ARHGAP15: variants seen among roughly 807,000 people sequenced by gnomAD.
The protein encoded by ARHGAP15 is rho GTPase-activating protein 15.
In ARHGAP15, 51 loss-of-function variants were observed where a neutral mutation model predicts 63.7. That is an observed-to-expected ratio of 0.80 (90% confidence interval 0.64 to 1.01). The LOEUF (loss-of-function observed/expected upper bound fraction) is 1.01, where lower values mean the gene tolerates loss of function less well. Ranked by LOEUF, ARHGAP15 falls within the 50% of genes least tolerant of loss-of-function variation. ARHGAP15 has a pLI of 0.00. For synonymous variants in ARHGAP15, 191 were observed against 193.8 expected (o/e 0.99, Z 0.12); for missense variants, 560 against 564.6 (o/e 0.99, Z 0.08).
intron 8 of ARHGAP15, among the ~76,000 whole-genome samples, chr2:143,458,659 C>T (rs1574477248): frequency 6.6e-6 from 1 of 152,276 alleles, no homozygotes; most frequent in African/African-American, 2.4e-5. Flanking sequence ...AGACATCATT[C>T]GGATGAATAG....
At chr2:143,203,782 G>A (rs1466763807) in intron 3 of ARHGAP15, among the ~76,000 whole-genome samples, 1 of 151,770 alleles carries the variant, frequency 6.6e-6, no homozygotes, top group African/African-American at 2.4e-5. Context: ...TCTGTCTGTA[G>A]GAATTTCCTA....
At chr2:143,202,792 CA>C (rs1453600424) in intron 3 of ARHGAP15, among the ~76,000 whole-genome samples, 48 of 148,766 alleles carry the variant, frequency 3.2e-4, no homozygotes, top group Non-Finnish European at 6.7e-4. Flanking sequence ...TTGTTGTCTT[CA>C]AAAAAAAATT....
chr2:143,147,135 C>T (rs1328889976), intron 1 of ARHGAP15, among the ~76,000 whole-genome samples: 3 of 151,970 alleles, frequency 2.0e-5, no homozygotes, highest in Non-Finnish European at 4.4e-5. Context: ...CTGAGACAAT[C>T]GCAGGTTAAA....
At chr2:143,302,868 A>T (rs1553461157) in intron 6 of ARHGAP15, among the ~76,000 whole-genome samples, 1 of 152,074 alleles carries the variant, frequency 6.6e-6, no homozygotes, top group Non-Finnish European at 1.5e-5. Context: ...AAAAGGGCTT[A>T]TATCTTTGAA....
At chr2:143,524,029 TC>T (rs1368925241) in intron 10 of ARHGAP15, among the ~76,000 whole-genome samples, 1 of 152,172 alleles carries the variant, frequency 6.6e-6, no homozygotes, top group African/African-American at 2.4e-5. Flanking sequence ...CTGTCTTTTT[TC>T]TGGAACACGA....
chr2:143,149,076 A>G (rs912406313), intron 1 of ARHGAP15, among the ~76,000 whole-genome samples: 4 of 151,942 alleles, frequency 2.6e-5, no homozygotes, highest in Non-Finnish European at 5.9e-5. Context: ...TCAACATAAG[A>G]TCTTTCCAGG....
intron 6 of ARHGAP15, among the ~76,000 whole-genome samples, chr2:143,372,422 T>G (rs2104917686): frequency 6.6e-6 from 1 of 150,476 alleles, no homozygotes; most frequent in Middle Eastern, 3.4e-3. Flanking sequence ...CATAGCTTCT[T>G]AATCTACTCA....
At chr2:143,596,360 T>G (rs912080682) in intron 11 of ARHGAP15, among the ~76,000 whole-genome samples, 1 of 152,094 alleles carries the variant, frequency 6.6e-6, no homozygotes, top group African/African-American at 2.4e-5. Flanking sequence ...ATGCTAAAAC[T>G]TTCAATGCAT....
At chr2:143,332,596 C>T (rs1159269187) in intron 6 of ARHGAP15, among the ~76,000 whole-genome samples, 1 of 152,074 alleles carries the variant, frequency 6.6e-6, no homozygotes, top group African/African-American at 2.4e-5. Context: ...ATTCAAATAT[C>T]AAAGTGCTTC....
intron 8 of ARHGAP15, among the ~76,000 whole-genome samples, chr2:143,453,155 C>A (rs964908976): frequency 6.6e-6 from 1 of 151,886 alleles, no homozygotes; most frequent in African/African-American, 2.4e-5. Flanking sequence ...TATTAAGTGA[C>A]TGAGGCACTG....
chr2:143,309,103 A>G (rs1170954783), intron 6 of ARHGAP15, among the ~76,000 whole-genome samples: 1 of 152,064 alleles, frequency 6.6e-6, no homozygotes, highest in African/African-American at 2.4e-5. Context: ...TAGAAAAATT[A>G]GAGCGTAATA....
chr2:143,153,840 TTCTTCCTCCTCCTCCTCCTCCTCCTCC>T (rs1689956476), intron 1 of ARHGAP15, among the ~76,000 whole-genome samples: 2 of 78,398 alleles, frequency 2.6e-5, no homozygotes, highest in Non-Finnish European at 4.9e-5. Flanking sequence ...CTTCTTCTTC[TTCTTCCTCCTCCTCCTCCTCCTCCTCC>T]TCCTCTTCCT....
intron 3 of ARHGAP15, among the ~76,000 whole-genome samples, chr2:143,213,359 C>T (rs1692628711): frequency 6.6e-6 from 1 of 151,868 alleles, no homozygotes; most frequent in African/African-American, 2.4e-5. Flanking sequence ...ATTAAAAATA[C>T]AAAATTAGCT....
chr2:143,149,963 T>C (rs1422840628), intron 1 of ARHGAP15, among the ~76,000 whole-genome samples: 1 of 152,048 alleles, frequency 6.6e-6, no homozygotes, highest in Non-Finnish European at 1.5e-5. Flanking sequence ...ATCTGCCAGA[T>C]TTTCTTTACA....
At chr2:143,339,636 T>C (rs910966130) in intron 6 of ARHGAP15, among the ~76,000 whole-genome samples, 1 of 152,148 alleles carries the variant, frequency 6.6e-6, no homozygotes, top group African/African-American at 2.4e-5. Context: ...TCCCATGTCA[T>C]CAAATGTGAA....
intron 6 of ARHGAP15, among the ~76,000 whole-genome samples, chr2:143,301,359 T>C (rs1253680026): frequency 6.6e-6 from 1 of 151,924 alleles, no homozygotes; most frequent in Admixed American, 6.6e-5. Context: ...ATTCACCCAT[T>C]TAGAATTTAG....
intron 6 of ARHGAP15, among the ~76,000 whole-genome samples, chr2:143,300,084 A>C (rs1389132710): frequency 1.3e-5 from 2 of 152,052 alleles, no homozygotes; most frequent in Non-Finnish European, 2.9e-5. Flanking sequence ...AGGAAAATTG[A>C]AATGTGTATA....
intron 4 of ARHGAP15, among the ~76,000 whole-genome samples, chr2:143,225,537 A>C (rs1385472810): frequency 1.3e-5 from 2 of 152,104 alleles, no homozygotes; most frequent in Non-Finnish European, 2.9e-5. Context: ...GGAGGCGGAG[A>C]TTTCAGTGAG....
chr2:143,364,103 A>G (rs932606578), intron 6 of ARHGAP15, among the ~76,000 whole-genome samples: 1 of 152,192 alleles, frequency 6.6e-6, no homozygotes, highest in African/African-American at 2.4e-5. Flanking sequence ...TGTTGTCTTA[A>G]GAGGTACCGG....
Sources: gnomAD v4.1 joint callset for allele counts (sites outside exome capture counted in the v4.1 genomes callset) on GRCh38, gnomAD v4.1.1 for gene constraint, MANE v1.5 for transcripts, NCBI Gene and HGNC (gene_info 2026-07-23, HGNC 2026-07-21) for gene names.